Variants in SRF observed in about 807,000 individuals in gnomAD.
SRF encodes serum response factor.
In SRF, 7 loss-of-function variants were observed where a neutral mutation model predicts 37.1. That is an observed-to-expected ratio of 0.19 (90% CI 0.11 to 0.35). The LOEUF (loss-of-function observed/expected upper bound fraction) is 0.35, where lower values mean the gene tolerates loss of function less well. SRF is among the 10% of genes least tolerant of loss of function. The pLI is 1.00. For missense variants in SRF, 395 were observed against 694.4 expected (o/e 0.57, Z 4.85); for synonymous variants, 285 against 310.1 (o/e 0.92, Z 0.85).
chr6:43,172,190 C>T lies in SRF; in HGVS notation c.513+21C>T. 3.7e-6 allele frequency: 6 copies of T among 1,601,966 alleles called. No individual in the cohort carries two copies. Among genetic ancestry groups the T allele is most frequent in the Non-Finnish European group, 5.1e-6 (6 of 1,177,330 alleles). On this transcript the variant is annotated intron_variant, in intron 1 of 6. Transcript: ENST00000265354. The surrounding 1 kb of genome is among the most constrained non-coding windows in gnomAD (Gnocchi z 5.7). ...AGAAGGTACCAAGCCGGGGGGCTGG[C>T]CGGCCCCGGGGCCCGGTTGGGGTGG...
chr6:43,173,885 G>A lies in SRF; in HGVS notation c.552G>A (p.Leu184=), dbSNP rs368529052. The A allele has an allele frequency of 1.9e-6, 3 of 1,614,066 alleles. No homozygotes were observed. Among genetic ancestry groups the A allele is most frequent in the African/African-American group, 2.7e-5 (2 of 74,914 alleles). Residue 184 remains leucine (L), a synonymous_variant, in exon 2 of 7, where the codon CTG becomes CTA. Coordinates refer to ENST00000265354, the MANE Select transcript of SRF (RefSeq NM_003131.4). The surrounding 1 kb of genome is among the most constrained non-coding windows in gnomAD (Gnocchi z 4.2). Reference sequence around the variant, plus strand: ...CCACGCTGACAGGGACACAGGTGCTGTTGCTGGTGGCCAGTGAGACAGGCC... The same window carrying A: ...CCACGCTGACAGGGACACAGGTGCTATTGCTGGTGGCCAGTGAGACAGGCC... The part of the protein sequence containing the change: ...ELSTLTGTQV[L]LLVASETGHV...
At chr6:43,174,426 C>T (rs966461668) in intron 2 of SRF, among the ~76,000 whole-genome samples, 1 of 152,226 alleles carries the variant, frequency 6.6e-6, no homozygotes, top group Non-Finnish European at 1.5e-5. Flanking sequence ...TGTAGTTTAG[C>T]CCGGCCCTCC....
Position 43,179,132 on chromosome 6 carries a change from A to G in SRF, c.1469A>G (p.Asn490Ser). ...GGGCAGCAGGCCGGGAGCAGCAGCAACCTCACCGAGCTACAGGTGGTGAAC... is the reference window on the plus strand; with the variant it reads ...GGGCAGCAGGCCGGGAGCAGCAGCAGCCTCACCGAGCTACAGGTGGTGAAC... ...VIGQQAGSSSNLTELQVVNLD... is the reference protein window; with the variant it reads ...VIGQQAGSSSSLTELQVVNLD... The change falls in exon 7 of 7, where the codon AAC becomes AGC. Residue 490 changes from asparagine (N) to serine (S), a missense_variant. Asn to Ser is a conservative substitution (Grantham distance 46, BLOSUM62 1). This residue lies in a region of SRF where 232 missense variants were observed against 335.6 expected (regional missense o/e 0.69). Coordinates refer to ENST00000265354, the MANE Select transcript of SRF (RefSeq NM_003131.4). This position sits in a 1 kb window ranked among gnomAD's most constrained non-coding sequence, Gnocchi z 5.3. The G allele has an allele frequency of 6.2e-7, 1 of 1,614,198 alleles. No individual in the cohort carries two copies.
In SRF at chr6:43,171,550, C is replaced by A; in HGVS notation, c.-107C>A. ...GCGGCGGCCGCGGCAGCGATAGCGGCACTAGCAGCAGCGGGAGTGCCGGGT... is the reference window on the plus strand; with the variant it reads ...GCGGCGGCCGCGGCAGCGATAGCGGAACTAGCAGCAGCGGGAGTGCCGGGT... On this transcript the variant is annotated 5_prime_UTR_variant, in exon 1 of 7. Coordinates refer to ENST00000265354, the MANE Select transcript of SRF (RefSeq NM_003131.4). The surrounding 1 kb of genome is among the most constrained non-coding windows in gnomAD (Gnocchi z 6.5). The A allele has an allele frequency of 2.7e-6, 3 of 1,120,290 alleles. No homozygotes were observed. Among genetic ancestry groups the A allele is most frequent in the African/African-American group, 1.6e-5 (1 of 60,944 alleles). 69.4% of individuals were successfully genotyped at this position (1,120,290 alleles called of 1,614,324 possible).
At position 43,172,417 on chromosome 6, in the gene SRF, G is replaced by A; in HGVS notation, c.513+248G>A. ...AGGCGCAGAGGTGGGAGTGACCGGC[G>A]CCAGAGAGGAAGAGGGCCCTTGCTG... On this transcript the variant is annotated intron_variant, in intron 1 of 6. Transcript: ENST00000265354. The surrounding 1 kb of genome is among the most constrained non-coding windows in gnomAD (Gnocchi z 5.7). 11 of 985,424 alleles carry A rather than the reference G, an allele frequency of 1.1e-5. No individual in the cohort carries two copies. Among genetic ancestry groups the A allele is most frequent in the Non-Finnish European group, 1.3e-5 (11 of 829,930 alleles). The allele number at this position is 985,424 out of a possible 1,614,324, so 61.0% of individuals were successfully genotyped here. A position where few individuals can be genotyped will look rare whatever the true frequency, so the allele number is the denominator to read the frequency against.
chr6:43,175,995 C>T, intron 3 of SRF, 28 bp downstream of exon 3: 7 of 1,601,932 alleles, frequency 4.4e-6, no homozygotes, highest in Non-Finnish European at 6.0e-6. Context: ...GGGAGAGATT[C>T]GTCCTTCCTG....
At position 43,178,516 on chromosome 6, in the gene SRF, G is replaced by A. The variant is rs28730660; in HGVS notation, c.1354+31G>A. On this transcript the variant is annotated intron_variant, in intron 5 of 6. Transcript: ENST00000265354. This position sits in a 1 kb window ranked among gnomAD's most constrained non-coding sequence, Gnocchi z 4.3. ...TAGAGGAGCAGGGCTAAGGAAAGGA[G>A]GACCGTTTCCTTCTTTATACACACA... The A allele has an allele frequency of 4.9e-3, 7,882 of 1,597,658 alleles. 25 individuals carry two copies. The highest frequency in any genetic ancestry group is 6.1e-3 in the Admixed American group (361 of 59,396).
chr6:43,174,121 T>A lies in SRF; in HGVS notation c.780+8T>A, dbSNP rs753209061. The A allele has an allele frequency of 1.2e-6, 2 of 1,613,742 alleles. No homozygotes were observed. Among genetic ancestry groups the A allele is most frequent in the South Asian group, 2.2e-5 (2 of 91,032 alleles). On this transcript the variant is annotated splice_region_variant and intron_variant, in intron 2 of 6. Coordinates refer to ENST00000265354, the MANE Select transcript of SRF (RefSeq NM_003131.4). ...AGCAGTGGGGAGACCAAGGTGTGTT[T>A]GGGTTGCCTATGTGAGAGGAGGGAA...
Position 43,180,762 on chromosome 6 carries a change from C to T in SRF, c.*1572C>T, listed in dbSNP as rs1486717932. ...AGCAGTGGGGTGAAATTTTCTTAACCCCTAAGACTGCCTTCAGTAGGAACA... is the reference window on the plus strand; with the variant it reads ...AGCAGTGGGGTGAAATTTTCTTAACTCCTAAGACTGCCTTCAGTAGGAACA... On this transcript the variant is annotated 3_prime_UTR_variant, in exon 7 of 7. Coordinates refer to ENST00000265354, the MANE Select transcript of SRF (RefSeq NM_003131.4). 1 of 152,298 alleles carries T rather than the reference C, an allele frequency of 6.6e-6. No homozygotes were observed. The highest frequency in any genetic ancestry group is 1.5e-5 in the Non-Finnish European group (1 of 68,024). 9.4% of individuals were successfully genotyped at this position (152,298 alleles called of 1,614,324 possible).
At chr6:43,177,815 T>C (rs1772233471) in intron 4 of SRF, among the ~76,000 whole-genome samples, 1 of 149,084 alleles carries the variant, frequency 6.7e-6, no homozygotes, top group Non-Finnish European at 1.5e-5. Context: ...CTCGGGAGGC[T>C]GAGGCAGGAG....
intron 2 of SRF, among the ~76,000 whole-genome samples, chr6:43,175,251 G>T (rs1160441049): frequency 6.6e-6 from 1 of 152,092 alleles, no homozygotes; most frequent in Non-Finnish European, 1.5e-5. Context: ...TCAGAAAAGG[G>T]GACTGGTTAT....
At position 43,172,293 on chromosome 6, in the gene SRF, G is replaced by T. The variant is rs1256230314; in HGVS notation, c.513+124G>T. On this transcript the variant is annotated intron_variant, in intron 1 of 6. Coordinates refer to ENST00000265354, the MANE Select transcript of SRF (RefSeq NM_003131.4). The surrounding 1 kb of genome is among the most constrained non-coding windows in gnomAD (Gnocchi z 5.7). ...GCTGCGAGTCCGCAGGAGGTGTGTGGGAGGGGATGGCTCCTGCCCGGGGAG... is the reference window on the plus strand; with the variant it reads ...GCTGCGAGTCCGCAGGAGGTGTGTGTGAGGGGATGGCTCCTGCCCGGGGAG... The T allele has an allele frequency of 1.5e-5, 22 of 1,457,960 alleles. No homozygotes were observed. Among genetic ancestry groups the T allele is most frequent in the Non-Finnish European group, 2.0e-5 (22 of 1,107,320 alleles). The allele number at this position is 1,457,960 out of a possible 1,614,324, so 90.3% of individuals were successfully genotyped here.
rs963895116 is a variant in SRF at position 43,171,712 on chromosome 6, G to A, written c.56G>A (p.Gly19Glu). The change falls in exon 1 of 7, where the codon GGG becomes GAG. Residue 19 changes from glycine to glutamate, a missense_variant. Physicochemically the swap from Gly to Glu is moderately conservative, Grantham distance 98. Transcript: ENST00000265354. The surrounding 1 kb of genome is among the most constrained non-coding windows in gnomAD (Gnocchi z 6.5). ...GCTCTGGGCCGGGGCTCGGCCCTGG[G>A]GGGCAGCCTGAACCGGACCCCGACG... ...AAALGRGSAL[G>E]GSLNRTPTGR... 1.3e-4 allele frequency: 153 copies of A among 1,205,908 alleles called. No homozygotes were observed. Among genetic ancestry groups the A allele is most frequent in the Non-Finnish European group, 1.6e-4 (151 of 970,598 alleles). The allele number at this position is 1,205,908 out of a possible 1,614,324, so 74.7% of individuals were successfully genotyped here.
Position 43,178,407 on chromosome 6 carries a change from G to A in SRF, c.1276G>A (p.Gly426Ser). The change falls in exon 5 of 7, where the codon GGC (glycine) becomes AGC (serine). Residue 426 changes from glycine to serine, a missense_variant. By Grantham distance (56) the Gly-to-Ser change is moderately conservative (BLOSUM62 0). Around this residue, in one of 4 missense-constraint regions of SRF, gnomAD observed 232 missense variants for 335.6 expected, o/e 0.69. Transcript: ENST00000265354. This position sits in a 1 kb window ranked among gnomAD's most constrained non-coding sequence, Gnocchi z 4.3. The part of the protein sequence containing the change: ...MYAPTSGLGD[G>S]SLTVLNAFSQ... Reference sequence around the variant, plus strand: ...TGCCCCCACCTCGGGCCTGGGTGATGGCAGCCTCACCGTGCTGAATGCCTT... The same window carrying A: ...TGCCCCCACCTCGGGCCTGGGTGATAGCAGCCTCACCGTGCTGAATGCCTT... 6.2e-7 allele frequency: 1 copy of A among 1,614,100 alleles called. No individual in the cohort carries two copies. Among genetic ancestry groups the A allele is most frequent in the Non-Finnish European group, 8.5e-7 (1 of 1,180,028 alleles).
At chr6:43,177,749 A>G (rs1473455602) in intron 4 of SRF, among the ~76,000 whole-genome samples, 1 of 151,536 alleles carries the variant, frequency 6.6e-6, no homozygotes, top group Non-Finnish European at 1.5e-5. Context: ...CTCCATCTCT[A>G]CTAAAAATTC....
chr6:43,174,201 G>T (rs953135228), intron 2 of SRF, 88 bp downstream of exon 2: 2 of 1,497,598 alleles, frequency 1.3e-6, no homozygotes, highest in Non-Finnish European at 1.8e-6. Context: ...GGTGCCCACC[G>T]ATGTGGAGTG....
Position 43,171,441 on chromosome 6 carries a change from G to T in SRF, c.-216G>T. ...CTAGCAGACGGACAGGGGGCGCTGCGCGCGGCCTGGGGCAACCCGGGCCAC... is the reference window on the plus strand; with the variant it reads ...CTAGCAGACGGACAGGGGGCGCTGCTCGCGGCCTGGGGCAACCCGGGCCAC... On this transcript the variant is annotated 5_prime_UTR_variant, in exon 1 of 7. Coordinates refer to ENST00000265354, the MANE Select transcript of SRF (RefSeq NM_003131.4). The surrounding 1 kb of genome is among the most constrained non-coding windows in gnomAD (Gnocchi z 6.5). 1 of 341,704 alleles carries T rather than the reference G, an allele frequency of 2.9e-6. No homozygotes were observed. The highest frequency in any genetic ancestry group is 4.8e-6 in the Non-Finnish European group (1 of 207,310). The allele number at this position is 341,704 out of a possible 1,614,324, so 21.2% of individuals were successfully genotyped here.
chr6:43,171,708 C>T lies in SRF; in HGVS notation c.52C>T (p.Leu18=), dbSNP rs1772103174. The T allele has an allele frequency of 8.3e-7, 1 of 1,206,448 alleles. No individual in the cohort carries two copies. The highest frequency in any genetic ancestry group is 1.0e-6 in the Non-Finnish European group (1 of 970,840). 74.7% of individuals were successfully genotyped at this position (1,206,448 alleles called of 1,614,324 possible). The change falls in exon 1 of 7, where the codon CTG becomes TTG. Residue 18 remains leucine (L), a synonymous_variant. Coordinates refer to ENST00000265354, the MANE Select transcript of SRF (RefSeq NM_003131.4). This position sits in a 1 kb window ranked among gnomAD's most constrained non-coding sequence, Gnocchi z 6.5. ...AAAALGRGSA[L]GGSLNRTPTG... is the part of the protein sequence containing the mutation. ...GGCGGCTCTGGGCCGGGGCTCGGCC[C>T]TGGGGGGCAGCCTGAACCGGACCCC...
Position 43,176,510 on chromosome 6 carries a change from G to T in SRF, c.1043-38G>T. ...GGGTACTTGGTGGAGGTGGCAATTGGGTGGGACAGAGCACAAATAAGACTC... is the reference window on the plus strand; with the variant it reads ...GGGTACTTGGTGGAGGTGGCAATTGTGTGGGACAGAGCACAAATAAGACTC... On this transcript the variant is annotated intron_variant, in intron 3 of 6. Transcript: ENST00000265354. The surrounding 1 kb of genome is among the most constrained non-coding windows in gnomAD (Gnocchi z 4.0). 1 of 1,611,986 alleles carries T rather than the reference G, an allele frequency of 6.2e-7. No individual in the cohort carries two copies. The highest frequency in any genetic ancestry group is 2.2e-5 in the East Asian group (1 of 44,818).
Sources: allele counts gnomAD v4.1 joint callset (sites outside exome capture counted in the v4.1 genomes callset), GRCh38; gene constraint gnomAD v4.1.1; regional missense constraint gnomAD v4.1.1; non-coding constraint Gnocchi (gnomAD v3.1); transcripts MANE v1.5; gene names NCBI Gene and HGNC (gene_info 2026-07-23, HGNC 2026-07-21).